NCAM2: variants seen among roughly 807,000 people sequenced by gnomAD.
NCAM2 encodes neural cell adhesion molecule 2, also known as N-CAM-2.
A neutral mutation model predicts 98.1 loss-of-function variants in NCAM2; 30 were observed. The observed-to-expected ratio is 0.31, with a 90% CI of 0.23 to 0.41. The LOEUF (loss-of-function observed/expected upper bound fraction) is 0.41, where lower values mean the gene tolerates loss of function less well. Among genes scored for constraint, NCAM2 ranks in the 10% least tolerant of loss-of-function variants. The pLI, the probability that NCAM2 is intolerant of heterozygous loss-of-function variation, is 1.00. For missense variants in NCAM2, 867 were observed against 1,005.8 expected, an observed-to-expected ratio of 0.86 and a Z score of 1.87; for synonymous variants, 368 against 342.4, an observed-to-expected ratio of 1.07 and a Z score of -0.83.
intron 1 of NCAM2, among the ~76,000 whole-genome samples, chr21:21,007,737 A>G (rs755222114): frequency 3.3e-4 from 50 of 152,162 alleles, no homozygotes; most frequent in Non-Finnish European, 6.3e-4. Flanking sequence ...TGGTTTTGGT[A>G]GGTTTTGGCC....
intron 16 of NCAM2, among the ~76,000 whole-genome samples, chr21:21,533,971 A>T (rs1187314723): frequency 6.6e-6 from 1 of 152,034 alleles, no homozygotes; most frequent in Non-Finnish European, 1.5e-5. Context: ...AATAAGTTAG[A>T]AGTCCATAAT....
At chr21:21,398,410 G>T (rs1402505056) in intron 9 of NCAM2, among the ~76,000 whole-genome samples, 1 of 151,954 alleles carries the variant, frequency 6.6e-6, no homozygotes, top group South Asian at 2.1e-4. Context: ...AAAACCTATT[G>T]AAATAAAAAA....
At chr21:21,352,320 T>C (rs73232037) in intron 8 of NCAM2, among the ~76,000 whole-genome samples, 3,706 of 152,160 alleles carry the variant, frequency 0.024, 72 homozygotes, top group Non-Finnish European at 0.037. Flanking sequence ...CAGGGTTTTG[T>C]CATGTTGTTC....
At chr21:21,322,670 G>A (rs1461461045) in intron 5 of NCAM2, among the ~76,000 whole-genome samples, 1 of 152,062 alleles carries the variant, frequency 6.6e-6, no homozygotes, top group Admixed American at 6.6e-5. Context: ...AGTGGGTGCC[G>A]GTTAATCTGA....
chr21:21,403,035 ATCT>A (rs928874669), intron 9 of NCAM2, among the ~76,000 whole-genome samples: 6 of 152,110 alleles, frequency 3.9e-5, no homozygotes, highest in Non-Finnish European at 8.8e-5. Context: ...TTTAATTTGC[ATCT>A]TCTTAATGAT....
chr21:21,360,547 A>G (rs2075617857), intron 8 of NCAM2, among the ~76,000 whole-genome samples: 1 of 152,066 alleles, frequency 6.6e-6, no homozygotes, highest in African/African-American at 2.4e-5. Context: ...AAGTACGAAT[A>G]GTAAAATTCT....
At position 21,440,962 on chromosome 21, in the gene NCAM2, C is replaced by T. The variant is rs528605832; in HGVS notation, c.1654+8681C>T. 3.7e-3 allele frequency among the ~76,000 whole-genome samples: 559 copies of T among 152,260 alleles called. 4 individuals are homozygous for T. The highest frequency in any genetic ancestry group is 0.013 in the African/African-American group (533 of 41,558). On this transcript the variant is annotated intron_variant, in intron 12 of 17. Transcript: ENST00000400546. ...AACAATCAAACTCATTTGATTGACT[C>T]ATTTAAATGACTCGAATTAGCAGGG...
rs1978841871 is a variant in NCAM2 at position 21,439,093 on chromosome 21, A to C, written c.1654+6812A>C. Among the ~76,000 whole-genome samples, 4 of 150,946 alleles carry C rather than the reference A, an allele frequency of 2.6e-5. No individual in the cohort carries two copies. The South Asian group carries it at 8.4e-4, about 32-fold the overall frequency. ...ACAACAAGATACTGTCTCTAAAAAAATAAATAAATAAAAATAAGTAAGTAC... is the reference window on the plus strand; with the variant it reads ...ACAACAAGATACTGTCTCTAAAAAACTAAATAAATAAAAATAAGTAAGTAC... On this transcript the variant is annotated intron_variant, in intron 12 of 17. Transcript: ENST00000400546.
At chr21:21,256,194 A>G (rs2071663748) in intron 1 of NCAM2, among the ~76,000 whole-genome samples, 1 of 152,092 alleles carries the variant, frequency 6.6e-6, no homozygotes, top group African/African-American at 2.4e-5. Context: ...ATCTCTACTA[A>G]AAACAACAAA....
intron 1 of NCAM2, among the ~76,000 whole-genome samples, chr21:21,214,910 A>G (rs1314814155): frequency 1.3e-5 from 2 of 151,602 alleles, no homozygotes; most frequent in East Asian, 1.9e-4. Flanking sequence ...GGATTGTCTT[A>G]TTAGAAGGGC....
intron 5 of NCAM2, among the ~76,000 whole-genome samples, chr21:21,311,040 C>T (rs1029569038): frequency 3.9e-5 from 6 of 152,154 alleles, no homozygotes; most frequent in African/African-American, 1.4e-4. Context: ...TCCAACTGTT[C>T]TTTTACAAAA....
chr21:21,403,218 C>T (rs931952779), intron 9 of NCAM2, among the ~76,000 whole-genome samples: 1 of 152,026 alleles, frequency 6.6e-6, no homozygotes, highest in Non-Finnish European at 1.5e-5. Flanking sequence ...AAGCACTATG[C>T]CTGGGACATT....
intron 1 of NCAM2, among the ~76,000 whole-genome samples, chr21:21,040,360 G>T (rs1045541437): frequency 3.1e-4 from 47 of 152,226 alleles, no homozygotes; most frequent in African/African-American, 1.1e-3. Flanking sequence ...CTGACTGAAT[G>T]AACCATGACT....
At chr21:21,242,851 A>G (rs1282563840) in intron 1 of NCAM2, among the ~76,000 whole-genome samples, 1 of 152,178 alleles carries the variant, frequency 6.6e-6, no homozygotes, top group Admixed American at 6.6e-5. Flanking sequence ...ACATTTAAGT[A>G]GGAGGAAAAG....
chr21:21,498,864 A>C (rs1987432436), intron 15 of NCAM2, among the ~76,000 whole-genome samples: 1 of 152,208 alleles, frequency 6.6e-6, no homozygotes, highest in Admixed American at 6.5e-5. Context: ...AAAACGTAAT[A>C]ATGTACTAGG....
chr21:21,160,006 A>G (rs1489394365), intron 1 of NCAM2, among the ~76,000 whole-genome samples: 2 of 152,078 alleles, frequency 1.3e-5, no homozygotes, highest in Non-Finnish European at 2.9e-5. Flanking sequence ...ACCTGAGAAA[A>G]GTCAGTTTAT....
chr21:21,062,381 A>G (rs796462953), intron 1 of NCAM2, among the ~76,000 whole-genome samples: 33 of 152,300 alleles, frequency 2.2e-4, no homozygotes, highest in African/African-American at 7.2e-4. Context: ...TTCAATTCCA[A>G]TCACAGTAAT....
In NCAM2 at chr21:21,324,278, T is replaced by C. The variant is rs2074453378; in HGVS notation, c.620-105T>C. 5.7e-6 allele frequency: 4 copies of C among 701,922 alleles called. No homozygotes were observed. The East Asian group carries it at 1.0e-4, about 18-fold the overall frequency. 43.5% of individuals were successfully genotyped at this position (701,922 alleles called of 1,614,324 possible). ...TCAGTTTCATTAATATAAATGGAGA[T>C]GTGAAGGATGACATTTGAAAGCTTA... On this transcript the variant is annotated intron_variant, in intron 5 of 17. Coordinates refer to ENST00000400546, the MANE Select transcript of NCAM2 (RefSeq NM_004540.5).
At chr21:21,242,065 A>G (rs1358716010) in intron 1 of NCAM2, among the ~76,000 whole-genome samples, 1 of 152,182 alleles carries the variant, frequency 6.6e-6, no homozygotes, top group African/African-American at 2.4e-5. Flanking sequence ...TCAAATACCT[A>G]TTAAATTTCT....
Sources: gnomAD v4.1 joint callset for allele counts (sites outside exome capture counted in the v4.1 genomes callset) on GRCh38, gnomAD v4.1.1 for gene constraint, MANE v1.5 for transcripts, NCBI Gene and HGNC (gene_info 2026-07-23, HGNC 2026-07-21) for gene names.